SUPT7L: variants seen among roughly 807,000 people sequenced by gnomAD.
SUPT7L encodes STAGA complex 65 subunit gamma.
In SUPT7L, 15 loss-of-function variants were observed where a neutral mutation model predicts 35.7. The observed-to-expected ratio is 0.42, with a 90% CI of 0.28 to 0.65. SUPT7L has a LOEUF of 0.65. Among genes scored for constraint, SUPT7L ranks in the 30% least tolerant of loss-of-function variants. SUPT7L has a pLI of 0.23. For synonymous variants in SUPT7L, 168 were observed against 186.2 expected, an observed-to-expected ratio of 0.90 and a Z score of 0.79; for missense variants, 434 against 522.2, an observed-to-expected ratio of 0.83 and a Z score of 1.65.
chr2:27,654,261 G>A lies in SUPT7L; in HGVS notation c.983-514C>T, dbSNP rs147249407. ...TTGAAGAGACATGGTCCCGAAGTCC[G>A]CAACAATTTCTCTTTGGCCCTCGCA... On this transcript the variant is annotated intron_variant, in intron 5 of 5. Coordinates refer to ENST00000337768, the MANE Select transcript of SUPT7L (RefSeq NM_014860.3). Among the ~76,000 whole-genome samples the A allele has an allele frequency of 2.5e-3, 385 of 152,276 alleles. 6 individuals carry two copies. Among genetic ancestry groups the A allele is most frequent in the African/African-American group, 8.4e-3 (351 of 41,540 alleles).
the SUPT7L span, among the ~76,000 whole-genome samples, chr2:27,643,529 T>C: frequency 2.6e-5 from 4 of 152,186 alleles, no homozygotes; most frequent in African/African-American, 7.2e-5. This position sits in a 1 kb window ranked among gnomAD's most constrained non-coding sequence, Gnocchi z 4.0. Flanking sequence ...AGCTAACATA[T>C]AGATCTTATT....
At chr2:27,642,756 G>GT in the SUPT7L span, among the ~76,000 whole-genome samples, 1 of 151,706 alleles carries the variant, frequency 6.6e-6, no homozygotes, top group Non-Finnish European at 1.5e-5. Context: ...TAGAGATGGG[G>GT]TTTTTTCCAT....
downstream of SUPT7L, among the ~76,000 whole-genome samples, chr2:27,649,292 C>T (rs1217708705): frequency 2.0e-5 from 3 of 151,690 alleles, no homozygotes; most frequent in African/African-American, 7.3e-5. Context: ...AACCACCATA[C>T]GATTTAGGTC....
chr2:27,657,545 G>C lies in SUPT7L; in HGVS notation c.544C>G (p.Leu182Val), dbSNP rs1422615250. Reference protein sequence around the residue: ...DCANESVLETLTDVAHEYCLK... With the variant: ...DCANESVLETVTDVAHEYCLK... The stretch of plus-strand genomic sequence containing the variant: ...CAATACTCATGTGCCACATCAGTTA[G>C]GGTCTCCAGGACACTCTCATTAGCA... The change falls in exon 4 of 6, where the codon CTA becomes GTA. Residue 182 changes from leucine to valine, a missense_variant. Transcript: ENST00000337768. This position sits in a 1 kb window ranked among gnomAD's most constrained non-coding sequence, Gnocchi z 5.2. The C allele has an allele frequency of 2.5e-6, 4 of 1,614,114 alleles. No individual in the cohort carries two copies. The highest frequency in any genetic ancestry group is 1.3e-5 in the African/African-American group (1 of 74,938).
chr2:27,658,900 GC>G (rs765313666), intron 3 of SUPT7L, among the ~76,000 whole-genome samples: 2 of 152,026 alleles, frequency 1.3e-5, no homozygotes, highest in Non-Finnish European at 2.9e-5. Context: ...ATTTTTTGGT[GC>G]CCCCATAACT....
intron 5 of SUPT7L, 134 bp downstream of exon 5, chr2:27,655,231 A>G: frequency 1.4e-6 from 1 of 697,136 alleles, no homozygotes; most frequent in Non-Finnish European, 2.4e-6. Flanking sequence ...GTGAAACTGT[A>G]TTCGTTTTAG....
downstream of SUPT7L, chr2:27,648,018 G>A (rs1412697480): frequency 3.6e-6 from 3 of 829,394 alleles, no homozygotes; most frequent in Admixed American, 1.9e-5. Flanking sequence ...GGAGTTTCTT[G>A]CTTTAAGCGT....
rs1558496028 is a variant in SUPT7L at position 27,651,651 on chromosome 2, A to G, written c.*1834T>C. 1 of 152,220 alleles carries G rather than the reference A, an allele frequency of 6.6e-6. No homozygotes were observed. The highest frequency in any genetic ancestry group is 1.5e-5 in the Non-Finnish European group (1 of 68,038). The allele number at this position is 152,220 out of a possible 1,614,324, so 9.4% of individuals were successfully genotyped here. ...TTTGAATGCTTTATCTTCCTTACAGAATAACTTGTCTTCCTTATGCTTCAA... is the reference window on the plus strand; with the variant it reads ...TTTGAATGCTTTATCTTCCTTACAGGATAACTTGTCTTCCTTATGCTTCAA... On this transcript the variant is annotated 3_prime_UTR_variant, in exon 6 of 6. Coordinates refer to ENST00000337768, the MANE Select transcript of SUPT7L (RefSeq NM_014860.3).
chr2:27,647,928 G>A (rs1463793550), downstream of SUPT7L: 1 of 1,606,090 alleles, frequency 6.2e-7, no homozygotes, highest in Non-Finnish European at 8.5e-7. Flanking sequence ...CGATACTGAT[G>A]ACATTGACCA....
rs997683372 is a variant in SUPT7L, at chr2:27,655,356, T to C, written c.982+9A>G. 1.3e-6 allele frequency: 2 copies of C among 1,529,858 alleles called. No individual in the cohort carries two copies. Among genetic ancestry groups the C allele is most frequent in the African/African-American group, 1.4e-5 (1 of 71,778 alleles). The allele number at this position is 1,529,858 out of a possible 1,614,324, so 94.8% of individuals were successfully genotyped here. ...CCAGAATCAAAGTGAGTAAGTTTAT[T>C]TGTCTTACTTGAAGCCTGTGGTGAA... On this transcript the variant is annotated intron_variant, in intron 5 of 5. Coordinates refer to ENST00000337768, the MANE Select transcript of SUPT7L (RefSeq NM_014860.3).
downstream of SUPT7L, chr2:27,647,796 T>G (rs774990965): frequency 5.1e-6 from 6 of 1,185,284 alleles, no homozygotes; most frequent in Non-Finnish European, 7.6e-6. Context: ...AAGATCACCT[T>G]TTTGAGGAGG....
At chr2:27,644,585 A>G in the SUPT7L span, among the ~76,000 whole-genome samples, 1 of 151,914 alleles carries the variant, frequency 6.6e-6, no homozygotes, top group Non-Finnish European at 1.5e-5. Context: ...CTAAATTGAG[A>G]TCCCCGATTA....
At chr2:27,645,557 AC>A in the SUPT7L span, among the ~76,000 whole-genome samples, 1 of 152,160 alleles carries the variant, frequency 6.6e-6, no homozygotes. Context: ...ACCCAAGACC[AC>A]AGAGTGTCTT....
Position 27,653,088 on chromosome 2 carries a change from C to G in SUPT7L, c.*397G>C, listed in dbSNP as rs1321781493. 1.0e-5 allele frequency: 2 copies of G among 192,562 alleles called. No homozygotes were observed. The highest frequency in any genetic ancestry group is 4.7e-5 in the African/African-American group (2 of 42,314). 11.9% of individuals were successfully genotyped at this position (192,562 alleles called of 1,614,324 possible). On this transcript the variant is annotated 3_prime_UTR_variant, in exon 6 of 6. Coordinates refer to ENST00000337768, the MANE Select transcript of SUPT7L (RefSeq NM_014860.3). ...TCTGATATGAGCATATATTATTAGT[C>G]TATTCAAGCACAGTTTTGAAGTTAG...
chr2:27,662,506 C>A (rs914089362), intron 1 of SUPT7L, among the ~76,000 whole-genome samples: 4 of 152,186 alleles, frequency 2.6e-5, no homozygotes, highest in African/African-American at 9.7e-5. Flanking sequence ...AATGCTCTGC[C>A]AACCTTGCAC....
At chr2:27,655,045 G>A (rs1030554663) in intron 5 of SUPT7L, among the ~76,000 whole-genome samples, 2 of 152,184 alleles carry the variant, frequency 1.3e-5, no homozygotes, top group African/African-American at 4.8e-5. Context: ...AAATACTAAA[G>A]GAGGAAGGGG....
chr2:27,655,422 C>T lies in SUPT7L; in HGVS notation c.925G>A (p.Ala309Thr). ...TTAGATGGGAAGCGTTCGCTCTGAG[C>T]CCCAAGCACTCCCATAGGCAGTGAC... ...DQSLPMGVLG[A>T]QSERFPSNLE... Residue 309 changes from alanine (A) to threonine (T), a missense_variant, in exon 5 of 6, where the codon GCT becomes ACT. Around this residue, in one of 3 missense-constraint regions of SUPT7L, gnomAD observed 159 missense variants for 217.1 expected, o/e 0.73. Transcript: ENST00000337768. 1.2e-6 allele frequency: 2 copies of T among 1,612,684 alleles called. No homozygotes were observed.
chr2:27,654,421 T>G (rs1674699091), intron 5 of SUPT7L, among the ~76,000 whole-genome samples: 2 of 152,248 alleles, frequency 1.3e-5, no homozygotes, highest in South Asian at 4.1e-4. Context: ...TTGAGTCATT[T>G]GTGCATTGAT....
At chr2:27,662,479 C>A (rs530846639) in intron 1 of SUPT7L, among the ~76,000 whole-genome samples, 198 bp from the exon 2 acceptor site, 1 of 152,316 alleles carries the variant, frequency 6.6e-6, no homozygotes, top group East Asian at 1.9e-4. Context: ...ACACTTTCAG[C>A]TGTGAACTCT....
Sources: gnomAD v4.1 joint callset for allele counts (sites outside exome capture counted in the v4.1 genomes callset) on GRCh38, gnomAD v4.1.1 for gene constraint, gnomAD v4.1.1 regional missense constraint, Gnocchi (gnomAD v3.1) non-coding constraint, MANE v1.5 for transcripts, NCBI Gene and HGNC (gene_info 2026-07-23, HGNC 2026-07-21) for gene names.